Variants in LRP1B observed in about 807,000 individuals in gnomAD.
LRP1B encodes the protein LDL receptor related protein 1B, also known as low-density lipoprotein receptor-related protein 1B.
LRP1B carries 217 observed loss-of-function variants against 556.6 expected under a neutral mutation model. That is an observed-to-expected ratio of 0.39 (90% CI 0.35 to 0.44). The LOEUF (loss-of-function observed/expected upper bound fraction) is 0.44, where lower values mean the gene tolerates loss of function less well. LRP1B is among the 20% of genes least tolerant of loss of function. The pLI, the probability that LRP1B is intolerant of heterozygous loss-of-function variation, is 1.00. For synonymous variants in LRP1B, 2,047 were observed against 1,865.8 expected (o/e 1.10, Z -2.50); for missense variants, 5,053 against 5,620.8 (o/e 0.90, Z 3.23).
intron 3 of LRP1B, among the ~76,000 whole-genome samples, chr2:141,441,204 G>T (rs752455302): frequency 2.6e-5 from 4 of 152,092 alleles, no homozygotes; most frequent in Non-Finnish European, 5.9e-5. Context: ...AGCCTCCCAA[G>T]TAGCTGGGAT....
chr2:142,125,541 T>C (rs904003802), intron 1 of LRP1B, among the ~76,000 whole-genome samples: 2 of 151,766 alleles, frequency 1.3e-5, no homozygotes, highest in African/African-American at 4.8e-5. Flanking sequence ...GATATTTTCA[T>C]TTTTTGTCTT....
chr2:140,725,213 T>C (rs1687549440), intron 35 of LRP1B, among the ~76,000 whole-genome samples: 1 of 152,090 alleles, frequency 6.6e-6, no homozygotes, highest in African/African-American at 2.4e-5. Flanking sequence ...TTTAAAGATA[T>C]TTTTGGAGGG....
intron 41 of LRP1B, among the ~76,000 whole-genome samples, chr2:140,694,929 A>T (rs537424593): frequency 1.3e-5 from 2 of 151,434 alleles, no homozygotes; most frequent in East Asian, 3.9e-4. Flanking sequence ...ATTTTAACAA[A>T]TTTTTTTCTT....
Position 141,423,293 on chromosome 2 carries a change from T to C in LRP1B, c.343+57103A>G, listed in dbSNP as rs867040413. Among the ~76,000 whole-genome samples, 285 of 97,394 alleles carry C rather than the reference T, an allele frequency of 2.9e-3. 4 individuals are homozygous for C. The highest frequency in any genetic ancestry group is 7.7e-3 in the African/African-American group (236 of 30,724). 63.9% of individuals were successfully genotyped at this position (97,394 alleles called of 152,430 possible). A position where few individuals can be genotyped will look rare whatever the true frequency, so the allele number is the denominator to read the frequency against. ...TCTCACTAGGCAACAGCCAGAGCTT[T>C]TTTTTTTTTTTTTTTTTTTTTTTAA... is the stretch of plus-strand genomic sequence containing the variant. On this transcript the variant is annotated intron_variant, in intron 3 of 90. Coordinates refer to ENST00000389484, the MANE Select transcript of LRP1B (RefSeq NM_018557.3).
chr2:141,087,665 C>A (rs763386034), intron 7 of LRP1B, among the ~76,000 whole-genome samples: 2 of 152,188 alleles, frequency 1.3e-5, no homozygotes, highest in African/African-American at 2.4e-5. Flanking sequence ...TGGCTCTAAA[C>A]GGGAGATTCC....
chr2:141,846,394 A>G (rs1697645228), intron 1 of LRP1B, among the ~76,000 whole-genome samples: 1 of 151,598 alleles, frequency 6.6e-6, no homozygotes, highest in Non-Finnish European at 1.5e-5. Flanking sequence ...TGAAAGCACT[A>G]TCCCAGATAC....
chr2:141,803,472 G>A (rs966698098), intron 2 of LRP1B, among the ~76,000 whole-genome samples: 1 of 151,898 alleles, frequency 6.6e-6, no homozygotes, highest in Non-Finnish European at 1.5e-5. Flanking sequence ...GAAGAGAGGA[G>A]TCTCAGAATA....
At chr2:140,671,895 CAG>C (rs1685498960) in intron 41 of LRP1B, among the ~76,000 whole-genome samples, 1 of 152,160 alleles carries the variant, frequency 6.6e-6, no homozygotes, top group African/African-American at 2.4e-5. Flanking sequence ...TATGTCAGCT[CAG>C]TGTGCAAAGT....
intron 3 of LRP1B, among the ~76,000 whole-genome samples, chr2:141,469,781 G>A (rs554345438): frequency 6.5e-4 from 99 of 152,214 alleles, no homozygotes; most frequent in African/African-American, 2.3e-3. Context: ...AATTCTCATT[G>A]GAATGTCCTT....
At chr2:141,614,419 T>C (rs1476335163) in intron 2 of LRP1B, among the ~76,000 whole-genome samples, 1 of 152,202 alleles carries the variant, frequency 6.6e-6, no homozygotes, top group Admixed American at 6.5e-5. Flanking sequence ...GAGTAGTGTT[T>C]CTGAAGAAGA....
At chr2:140,637,346 T>C (rs767009281) in intron 41 of LRP1B, among the ~76,000 whole-genome samples, 3 of 152,182 alleles carry the variant, frequency 2.0e-5, no homozygotes, top group Non-Finnish European at 2.9e-5. Flanking sequence ...TCAACATAAC[T>C]GGTAATTTCA....
chr2:141,003,194 C>G (rs1037044802), intron 15 of LRP1B, among the ~76,000 whole-genome samples: 4 of 151,868 alleles, frequency 2.6e-5, no homozygotes, highest in African/African-American at 7.2e-5. Flanking sequence ...CAAATATCAA[C>G]TAAAAAGAAA....
intron 7 of LRP1B, among the ~76,000 whole-genome samples, chr2:141,174,418 C>T (rs1680646087): frequency 6.6e-6 from 1 of 151,968 alleles, no homozygotes; most frequent in Non-Finnish European, 1.5e-5. Context: ...AGGGGAGGGG[C>T]CTGGTGGAAG....
At chr2:141,060,838 C>T (rs866702159) in intron 8 of LRP1B, among the ~76,000 whole-genome samples, 1 of 151,606 alleles carries the variant, frequency 6.6e-6, no homozygotes, top group Non-Finnish European at 1.5e-5. Flanking sequence ...AGCCCCAGTA[C>T]TTCAAAAACT....
At chr2:141,767,579 C>T (rs1694768699) in intron 2 of LRP1B, among the ~76,000 whole-genome samples, 2 of 151,998 alleles carry the variant, frequency 1.3e-5, no homozygotes, top group African/African-American at 4.8e-5. Flanking sequence ...AATTTTATAG[C>T]TTTATTCTAT....
At chr2:140,641,822 T>G (rs1188528879) in intron 41 of LRP1B, among the ~76,000 whole-genome samples, 1 of 152,184 alleles carries the variant, frequency 6.6e-6, no homozygotes, top group African/African-American at 2.4e-5. Context: ...TTTTTACTTT[T>G]AAAAATAGGC....
chr2:141,551,425 T>C (rs1485039205), intron 2 of LRP1B, among the ~76,000 whole-genome samples: 1 of 152,082 alleles, frequency 6.6e-6, no homozygotes, highest in East Asian at 1.9e-4. Context: ...TTCACCATTA[T>C]AGAAATTAAT....
intron 37 of LRP1B, among the ~76,000 whole-genome samples, chr2:140,708,588 A>G (rs1456023608): frequency 6.6e-6 from 1 of 151,560 alleles, no homozygotes; most frequent in Non-Finnish European, 1.5e-5. Context: ...TTCATTTTAT[A>G]TATGTGTTTA....
chr2:141,149,724 A>T (rs1022642367), intron 7 of LRP1B, among the ~76,000 whole-genome samples: 1 of 152,170 alleles, frequency 6.6e-6, no homozygotes, highest in Non-Finnish European at 1.5e-5. Flanking sequence ...TTACAACATG[A>T]TGAGAATTCT....
Sources: allele counts gnomAD v4.1 joint callset (sites outside exome capture counted in the v4.1 genomes callset), GRCh38; gene constraint gnomAD v4.1.1; transcripts MANE v1.5; gene names NCBI Gene and HGNC (gene_info 2026-07-23, HGNC 2026-07-21).